MEX3C: variants seen among roughly 807,000 people sequenced by gnomAD.
MEX3C encodes the protein mex-3 RNA binding family member C.
In MEX3C, 15 loss-of-function variants were observed where a neutral mutation model predicts 35.5. The observed-to-expected ratio is 0.42, with a 90% CI of 0.28 to 0.65. The LOEUF is 0.65. Among genes scored for constraint, MEX3C ranks in the 30% least tolerant of loss-of-function variants. The pLI is 0.20. For synonymous variants in MEX3C, 390 were observed against 352.8 expected, an observed-to-expected ratio of 1.11 and a Z score of -1.18; for missense variants, 711 against 842.8, an observed-to-expected ratio of 0.84 and a Z score of 1.94.
chr18:51,192,241 C>T (rs1310380657), intron 1 of MEX3C, among the ~76,000 whole-genome samples: 1 of 152,076 alleles, frequency 6.6e-6, no homozygotes, highest in Non-Finnish European at 1.5e-5. Context: ...CCCATTTCCT[C>T]CCTAGTGAAT....
rs1278604724 is a variant in MEX3C at position 51,197,654 on chromosome 18, C to T, written c.-334G>A. On this transcript the variant is annotated 5_prime_UTR_variant, in exon 1 of 2. Transcript: ENST00000406189. ...CAGCCCCCGGCGCGCGCGGCGGCGG[C>T]GGCTACGCCCCACGCCGCTCTCCGA... Among the ~76,000 whole-genome samples the T allele has an allele frequency of 1.3e-5, 2 of 150,892 alleles. No individual in the cohort carries two copies. Among genetic ancestry groups the T allele is most frequent in the Non-Finnish European group, 3.0e-5 (2 of 67,648 alleles).
rs1376604113 is a variant in MEX3C, at chr18:51,196,976, C to T, written c.345G>A (p.Gly115=). 3 of 1,540,054 alleles carry T rather than the reference C, an allele frequency of 1.9e-6. No homozygotes were observed. Among genetic ancestry groups the T allele is most frequent in the Admixed American group, 2.0e-5 (1 of 50,680 alleles). ...GGTCTCCGTCCAGCTCCGCTTCCTC[C>T]CCCTCCTCCTCGTCCTCTTCCAGCT... ...ELELEEDEEE[G]EEAELDGDLL... Residue 115 remains glycine (G), a synonymous_variant, in exon 1 of 2, where the codon GGG becomes GGA. Transcript: ENST00000406189.
At chr18:51,180,479 T>C (rs147412682) in intron 1 of MEX3C, among the ~76,000 whole-genome samples, 3 of 151,822 alleles carry the variant, frequency 2.0e-5, no homozygotes, top group Non-Finnish European at 4.4e-5. Flanking sequence ...CAACCCTGGT[T>C]TTTTTTTGTT....
chr18:51,196,330 G>C (rs1912785956), intron 1 of MEX3C: 1 of 904,012 alleles, frequency 1.1e-6, no homozygotes, highest in African/African-American at 1.8e-5. Flanking sequence ...AACACCACCG[G>C]ACTGGGTCGC....
chr18:51,185,799 T>G (rs1847929917), intron 1 of MEX3C, among the ~76,000 whole-genome samples: 2 of 152,032 alleles, frequency 1.3e-5, no homozygotes, highest in Non-Finnish European at 2.9e-5. Flanking sequence ...GTGGCTCATG[T>G]CCGTAATCCC....
intron 1 of MEX3C, among the ~76,000 whole-genome samples, chr18:51,186,383 G>T (rs1179979606): frequency 6.6e-6 from 1 of 152,178 alleles, no homozygotes; most frequent in East Asian, 1.9e-4. Context: ...AAAGAAAATG[G>T]TTTTGCCAGA....
intron 1 of MEX3C, among the ~76,000 whole-genome samples, chr18:51,188,863 T>C (rs1239376549): frequency 2.0e-5 from 3 of 152,232 alleles, no homozygotes; most frequent in Admixed American, 2.0e-4. Context: ...TAGTGATACA[T>C]GTTCATGTAC....
At chr18:51,183,800 G>A (rs1437428983) in intron 1 of MEX3C, among the ~76,000 whole-genome samples, 2 of 151,958 alleles carry the variant, frequency 1.3e-5, no homozygotes, top group Admixed American at 6.6e-5. Context: ...CAACATAGCA[G>A]GACGCTGTTT....
Position 51,177,018 on chromosome 18 carries a change from A to T in MEX3C, c.1313T>A (p.Met438Lys). The T allele has an allele frequency of 6.2e-7, 1 of 1,614,002 alleles. No individual in the cohort carries two copies. Among genetic ancestry groups the T allele is most frequent in the East Asian group, 2.2e-5 (1 of 44,892 alleles). ...ACTATCATTTCGATAATTGGATATC[A>T]TTCTTGCGCGGCTAGGAGGAACAGG... ...SNPVPPSRAR[M>K]ISNYRNDSSS... Residue 438 changes from methionine to lysine, a missense_variant, in exon 2 of 2, where the codon ATG becomes AAG. Met to Lys is a moderately conservative substitution (Grantham distance 95). Around this residue, in one of 4 missense-constraint regions of MEX3C, gnomAD observed 187 missense variants for 201.7 expected, o/e 0.93. Coordinates refer to ENST00000406189, the MANE Select transcript of MEX3C (RefSeq NM_016626.5). This position sits in a 1 kb window ranked among gnomAD's most constrained non-coding sequence, Gnocchi z 4.2.
At chr18:51,186,844 T>C (rs1487459002) in intron 1 of MEX3C, among the ~76,000 whole-genome samples, 1 of 152,206 alleles carries the variant, frequency 6.6e-6, no homozygotes, top group Non-Finnish European at 1.5e-5. Context: ...ATGTTTTCCA[T>C]TCATTTCATA....
chr18:51,179,148 C>A (rs953772738), intron 1 of MEX3C, among the ~76,000 whole-genome samples: 1 of 151,884 alleles, frequency 6.6e-6, no homozygotes, highest in African/African-American at 2.4e-5. Context: ...GGACTACAGG[C>A]ATGCACAACC....
At chr18:51,179,131 G>C (rs1912369504) in intron 1 of MEX3C, among the ~76,000 whole-genome samples, 1 of 151,740 alleles carries the variant, frequency 6.6e-6, no homozygotes, top group African/African-American at 2.4e-5. Flanking sequence ...AGCCACCCGA[G>C]TAGCTGGGAC....
At chr18:51,181,514 A>G (rs200231733) in intron 1 of MEX3C, among the ~76,000 whole-genome samples, 1 of 1,330 alleles carries the variant, frequency 7.5e-4, no homozygotes, top group African/African-American at 7.6e-4. Flanking sequence ...CAATGCTAGT[A>G]AAGAGTGGGG....
chr18:51,177,652 C>A lies in MEX3C; in HGVS notation c.755-76G>T, dbSNP rs1383621960. 6.9e-7 allele frequency: 1 copy of A among 1,446,136 alleles called. No individual in the cohort carries two copies. The highest frequency in any genetic ancestry group is 1.4e-5 in the South Asian group (1 of 71,342). The allele number at this position is 1,446,136 out of a possible 1,614,324, so 89.6% of individuals were successfully genotyped here. A position where few individuals can be genotyped will look rare whatever the true frequency, so the allele number is the denominator to read the frequency against. ...ATATAAAGACAAATCACAGAATGCA[C>A]CTTTTAAGCTAAATATCTGGTTATG... On this transcript the variant is annotated intron_variant, in intron 1 of 1. Coordinates refer to ENST00000406189, the MANE Select transcript of MEX3C (RefSeq NM_016626.5). The surrounding 1 kb of genome is among the most constrained non-coding windows in gnomAD (Gnocchi z 4.2).
In MEX3C at chr18:51,197,608, CTTTT is replaced by C. The variant is rs1188490119; in HGVS notation, c.-292_-289del. On this transcript the variant is annotated 5_prime_UTR_variant, in exon 1 of 2. It removes the in-frame stop codon of an upstream open reading frame in the 5' UTR. Coordinates refer to ENST00000406189, the MANE Select transcript of MEX3C (RefSeq NM_016626.5). ...GGCAGCGGCTCCCCTCTCAGTGTTT[CTTTT>C]GTTTCATGGCCTTAACCAGCCCCCG... is the stretch of plus-strand genomic sequence containing the variant. Among the ~76,000 whole-genome samples, 3 of 151,346 alleles carry C rather than the reference CTTTT, an allele frequency of 2.0e-5. No individual in the cohort carries two copies. The highest frequency in any genetic ancestry group is 4.4e-5 in the Non-Finnish European group (3 of 67,764).
At chr18:51,193,724 T>G (rs955964286) in intron 1 of MEX3C, 2 of 152,214 alleles carry the variant, frequency 1.3e-5, no homozygotes, top group African/African-American at 4.8e-5. Flanking sequence ...CATTTACAAA[T>G]GACCATATGC....
chr18:51,197,127 G>A lies in MEX3C; in HGVS notation c.194C>T (p.Pro65Leu), dbSNP rs951402333. The change falls in exon 1 of 2, where the codon CCC (proline) becomes CTC (leucine). Residue 65 changes from proline to leucine, a missense_variant. Around this residue, in one of 4 missense-constraint regions of MEX3C, gnomAD observed 354 missense variants for 311.6 expected, o/e 1.14. Coordinates refer to ENST00000406189, the MANE Select transcript of MEX3C (RefSeq NM_016626.5). ...LGLDDPSPAE[P>L]GAPALRAPAA... ...CGGGGCCCGAAGCGCCGGGGCGCCG[G>A]GCTCCGCCGGGCTGGGGTCGTCGAG... 18 of 1,093,448 alleles carry A rather than the reference G, an allele frequency of 1.6e-5. No homozygotes were observed. The Admixed American group carries it at 6.8e-4, about 41-fold the overall frequency. The allele number at this position is 1,093,448 out of a possible 1,614,324, so 67.7% of individuals were successfully genotyped here.
chr18:51,183,156 C>A (rs1344652401), intron 1 of MEX3C, among the ~76,000 whole-genome samples: 1 of 152,142 alleles, frequency 6.6e-6, no homozygotes, highest in Non-Finnish European at 1.5e-5. Context: ...CTTGTGGAGG[C>A]CAGACAGCTC....
Position 51,197,162 on chromosome 18 carries a change from G to T in MEX3C, c.159C>A (p.Ala53=). The change falls in exon 1 of 2, where the codon GCC becomes GCA. Residue 53 remains alanine, a synonymous_variant. Coordinates refer to ENST00000406189, the MANE Select transcript of MEX3C (RefSeq NM_016626.5). ...GDGLLLRERL[A]ALGLDDPSPA... is the part of the protein sequence containing the mutation. ...GGCTGGGGTCGTCGAGGCCTAGCGC[G>T]GCCAAGCGCTCCCTCAGCAGGAGCC... is the stretch of plus-strand genomic sequence containing the variant. The T allele has an allele frequency of 9.5e-7, 1 of 1,050,424 alleles. No individual in the cohort carries two copies. The highest frequency in any genetic ancestry group is 1.1e-6 in the Non-Finnish European group (1 of 876,026). The allele number at this position is 1,050,424 out of a possible 1,614,324, so 65.1% of individuals were successfully genotyped here.
Sources: gnomAD v4.1 joint callset for allele counts (sites outside exome capture counted in the v4.1 genomes callset) on GRCh38, gnomAD v4.1.1 for gene constraint, gnomAD v4.1.1 regional missense constraint, Gnocchi (gnomAD v3.1) non-coding constraint, MANE v1.5 for transcripts, NCBI Gene and HGNC (gene_info 2026-07-23, HGNC 2026-07-21) for gene names.